Variants in SLC1A1 observed in about 807,000 individuals in gnomAD.
The protein encoded by SLC1A1 is excitatory amino acid transporter 3.
Under a neutral mutation model 53.3 loss-of-function variants are expected in SLC1A1, and 43 were observed. The observed-to-expected ratio is 0.81, with a 90% confidence interval of 0.63 to 1.04. SLC1A1 has a LOEUF of 1.04. Among genes scored for constraint, SLC1A1 ranks in the 50% least tolerant of loss-of-function variants. The pLI, the probability that SLC1A1 is intolerant of heterozygous loss-of-function variation, is 0.00. For synonymous variants in SLC1A1, 307 were observed against 243.2 expected (o/e 1.26, Z -2.44); for missense variants, 748 against 664.9 (o/e 1.12, Z -1.37).
chr9:4,544,584 T>A lies in SLC1A1; in HGVS notation c.109T>A (p.Leu37Met). 2 of 1,613,944 alleles carry A rather than the reference T, an allele frequency of 1.2e-6. No individual in the cohort carries two copies. Among genetic ancestry groups the A allele is most frequent in the Non-Finnish European group, 1.7e-6 (2 of 1,179,832 alleles). ...TTCCTTAGGCATTACCACAGGAGTC[T>A]TGGTTCGAGAACACAGCAACCTCTC... is the stretch of plus-strand genomic sequence containing the variant. ...AVVLGITTGV[L>M]VREHSNLSTL... The change falls in exon 2 of 12, where the codon TTG becomes ATG. Residue 37 changes from leucine (L) to methionine (M), a missense_variant. Coordinates refer to ENST00000262352, the MANE Select transcript of SLC1A1 (RefSeq NM_004170.6).
chr9:4,533,083 A>C (rs977492942), intron 1 of SLC1A1, among the ~76,000 whole-genome samples: 4 of 152,194 alleles, frequency 2.6e-5, no homozygotes, highest in Non-Finnish European at 5.9e-5. Context: ...TGGAAAGGAA[A>C]AACCGGTGCC....
intron 6 of SLC1A1, among the ~76,000 whole-genome samples, 173 bp downstream of exon 6, chr9:4,567,940 A>G (rs1043597118): frequency 6.6e-6 from 1 of 152,188 alleles, no homozygotes; most frequent in Admixed American, 6.5e-5. Flanking sequence ...CATGGTCATC[A>G]TCTCGCACAC....
chr9:4,538,388 A>G (rs1816754057), intron 1 of SLC1A1, among the ~76,000 whole-genome samples: 1 of 152,358 alleles, frequency 6.6e-6, no homozygotes, highest in South Asian at 2.1e-4. Flanking sequence ...AAAGGAGGCA[A>G]TGAGATATAA....
intron 10 of SLC1A1, 59 bp from the exon 11 acceptor site, chr9:4,582,979 C>A: frequency 3.1e-6 from 5 of 1,609,688 alleles, no homozygotes; most frequent in South Asian, 1.1e-5. Context: ...CATTTCAGGC[C>A]AGGGCTTTAA....
At chr9:4,516,420 GA>G (rs1821162784) in intron 1 of SLC1A1, among the ~76,000 whole-genome samples, 1 of 152,188 alleles carries the variant, frequency 6.6e-6, no homozygotes, top group Non-Finnish European at 1.5e-5. Context: ...GAAACAAGAT[GA>G]ATTAATGAAC....
Position 4,560,900 on chromosome 9 carries a change from G to A in SLC1A1, c.233-549G>A, listed in dbSNP as rs552205476. Reference sequence around the variant, plus strand: ...AATCCCAGCTACTCGGGAAGCTGAGGAAGGAGAATCGCTTGAACCCAGGAG... The same window carrying A: ...AATCCCAGCTACTCGGGAAGCTGAGAAAGGAGAATCGCTTGAACCCAGGAG... On this transcript the variant is annotated intron_variant, in intron 2 of 11. Coordinates refer to ENST00000262352, the MANE Select transcript of SLC1A1 (RefSeq NM_004170.6). Among the ~76,000 whole-genome samples, 49 of 152,190 alleles carry A rather than the reference G, an allele frequency of 3.2e-4. 2 individuals are homozygous for A. The South Asian group carries it at 8.7e-3, about 27-fold the overall frequency.
chr9:4,527,441 T>C (rs1052765255), intron 1 of SLC1A1, among the ~76,000 whole-genome samples: 1 of 152,210 alleles, frequency 6.6e-6, no homozygotes, highest in African/African-American at 2.4e-5. Flanking sequence ...ATGAAAGCAG[T>C]TTGTAAATTG....
rs755243758 is a variant in SLC1A1, at chr9:4,561,547, A to C, written c.325+6A>C. ...TCTCATTGCTGTTATTCTAGGTAATACTTATTTCTGAATCCTTACTACTTT... is the reference window on the plus strand; with the variant it reads ...TCTCATTGCTGTTATTCTAGGTAATCCTTATTTCTGAATCCTTACTACTTT... On this transcript the variant is annotated splice_donor_region_variant and intron_variant, in intron 3 of 11. Coordinates refer to ENST00000262352, the MANE Select transcript of SLC1A1 (RefSeq NM_004170.6). The C allele has an allele frequency of 1.3e-6, 2 of 1,492,950 alleles. No individual in the cohort carries two copies. Among genetic ancestry groups the C allele is most frequent in the Non-Finnish European group, 1.9e-6 (2 of 1,069,612 alleles). The allele number at this position is 1,492,950 out of a possible 1,614,324, so 92.5% of individuals were successfully genotyped here. A position where few individuals can be genotyped will look rare whatever the true frequency, so the allele number is the denominator to read the frequency against.
At chr9:4,568,277 G>C (rs1033459991) in intron 6 of SLC1A1, among the ~76,000 whole-genome samples, 8 of 152,096 alleles carry the variant, frequency 5.3e-5, no homozygotes, top group Admixed American at 4.6e-4. Flanking sequence ...AAATAGCCGG[G>C]TGTGATGGTG....
intron 1 of SLC1A1, among the ~76,000 whole-genome samples, chr9:4,515,671 C>T (rs1821138616): frequency 6.6e-6 from 1 of 152,154 alleles, no homozygotes; most frequent in South Asian, 2.1e-4. Flanking sequence ...TCTAGACATC[C>T]AACTGGTTTT....
At chr9:4,519,110 G>A (rs978624605) in intron 1 of SLC1A1, among the ~76,000 whole-genome samples, 3 of 152,128 alleles carry the variant, frequency 2.0e-5, no homozygotes, top group East Asian at 1.9e-4. Context: ...AACTACAAAC[G>A]GAGCTGAAAT....
intron 10 of SLC1A1, among the ~76,000 whole-genome samples, chr9:4,578,576 T>C (rs1173898837): frequency 6.6e-6 from 1 of 152,118 alleles, no homozygotes; most frequent in Admixed American, 6.5e-5. Context: ...TAAACCTTGG[T>C]ATCATGGAAA....
At chr9:4,531,825 C>G (rs1322613560) in intron 1 of SLC1A1, among the ~76,000 whole-genome samples, 1 of 152,142 alleles carries the variant, frequency 6.6e-6, no homozygotes, top group Non-Finnish European at 1.5e-5. Flanking sequence ...CAGACTGACA[C>G]CTCACATGGC....
rs3038452 is a variant in SLC1A1 at position 4,586,213 on chromosome 9, C to CTATATATA, written c.*665_*672dup. 17 of 146,952 alleles carry CTATATATA rather than the reference C, an allele frequency of 1.2e-4. 1 individual carries two copies. The highest frequency in any genetic ancestry group is 4.2e-4 in the African/African-American group (17 of 40,130). The allele number at this position is 146,952 out of a possible 1,614,324, so 9.1% of individuals were successfully genotyped here. ...TGTTAACCCAGTGTTCAGCATAGAG[C>CTATATATA]TATATATATATATATATGTATATAT... is the stretch of plus-strand genomic sequence containing the variant. On this transcript the variant is annotated 3_prime_UTR_variant, in exon 12 of 12. Transcript: ENST00000262352.
intron 1 of SLC1A1, among the ~76,000 whole-genome samples, chr9:4,497,499 T>C (rs1334222272): frequency 2.0e-5 from 3 of 152,344 alleles, no homozygotes; most frequent in African/African-American, 7.2e-5. Flanking sequence ...ATTTGTTGAA[T>C]TGCTGAGCCA....
chr9:4,564,297 G>T lies in SLC1A1; in HGVS notation c.326-47G>T, dbSNP rs370271757. 5.9e-5 allele frequency: 76 copies of T among 1,284,520 alleles called. No homozygotes were observed. The African/African-American group carries it at 7.6e-4, about 13-fold the overall frequency. The allele number at this position is 1,284,520 out of a possible 1,614,324, so 79.6% of individuals were successfully genotyped here. ...TCTAAAGGTGCCAGCTGTGCCAGGT[G>T]CCCTGGAAGGTTCCTAATGCTCTGT... is the stretch of plus-strand genomic sequence containing the variant. On this transcript the variant is annotated intron_variant, in intron 3 of 11. Coordinates refer to ENST00000262352, the MANE Select transcript of SLC1A1 (RefSeq NM_004170.6).
intron 1 of SLC1A1, among the ~76,000 whole-genome samples, chr9:4,532,846 C>G (rs1816526612): frequency 6.6e-6 from 1 of 152,140 alleles, no homozygotes; most frequent in Non-Finnish European, 1.5e-5. Flanking sequence ...GGAAGCCCAT[C>G]AGACTAACAG....
chr9:4,543,684 T>C (rs771668406), intron 1 of SLC1A1, among the ~76,000 whole-genome samples: 2 of 152,226 alleles, frequency 1.3e-5, no homozygotes, highest in African/African-American at 4.8e-5. Context: ...AACCTGAATA[T>C]ATCATTATCT....
intron 1 of SLC1A1, among the ~76,000 whole-genome samples, chr9:4,526,919 A>T (rs889710570): frequency 1.3e-5 from 2 of 152,152 alleles, no homozygotes; most frequent in African/African-American, 4.8e-5. Flanking sequence ...ATTAGATTAC[A>T]TTCTTTGGCA....
Sources: allele counts gnomAD v4.1 joint callset (sites outside exome capture counted in the v4.1 genomes callset), GRCh38; gene constraint gnomAD v4.1.1; transcripts MANE v1.5; gene names NCBI Gene and HGNC (gene_info 2026-07-23, HGNC 2026-07-21).